Variants in OSBPL5 observed in about 807,000 individuals in gnomAD.
The protein encoded by OSBPL5 is oxysterol binding protein like 5.
In OSBPL5, 71 loss-of-function variants were observed where a neutral mutation model predicts 111.2. That is an observed-to-expected ratio of 0.64 (90% CI 0.53 to 0.78). The LOEUF is 0.78. Ranked by LOEUF, OSBPL5 falls within the 30% of genes least tolerant of loss-of-function variation. The pLI, the probability that OSBPL5 is intolerant of heterozygous loss-of-function variation, is 0.00. For synonymous variants in OSBPL5, 549 were observed against 513.9 expected (o/e 1.07, Z -0.93); for missense variants, 1,210 against 1,189.3 (o/e 1.02, Z -0.26).
At position 3,146,786 on chromosome 11, in the gene OSBPL5, G is replaced by A. The variant is rs1390117600; in HGVS notation, c.-21-17617C>T. 2.6e-5 allele frequency: 4 copies of A among 152,206 alleles called. No homozygotes were observed. Among genetic ancestry groups the A allele is most frequent in the South Asian group, 2.1e-4 (1 of 4,834 alleles). The allele number at this position is 152,206 out of a possible 1,614,324, so 9.4% of individuals were successfully genotyped here. A position where few individuals can be genotyped will look rare whatever the true frequency, so the allele number is the denominator to read the frequency against. On this transcript the variant is annotated intron_variant, in intron 1 of 21. Coordinates refer to ENST00000263650, the MANE Select transcript of OSBPL5 (RefSeq NM_020896.4). The surrounding 1 kb of genome is among the most constrained non-coding windows in gnomAD (Gnocchi z 7.8). ...GCCTTTGTACAGCCTGTCCCGAAGCGGCCTGGCACAGGGCAGCAGACTGCA... is the reference window on the plus strand; with the variant it reads ...GCCTTTGTACAGCCTGTCCCGAAGCAGCCTGGCACAGGGCAGCAGACTGCA...
chr11:3,145,456 A>G (rs1346097881), intron 1 of OSBPL5, among the ~76,000 whole-genome samples: 1 of 152,222 alleles, frequency 6.6e-6, no homozygotes. Flanking sequence ...CCACTGCCCC[A>G]CAGCCTCCAC....
At chr11:3,143,759 A>G (rs1846232519) in intron 1 of OSBPL5, among the ~76,000 whole-genome samples, 1 of 152,086 alleles carries the variant, frequency 6.6e-6, no homozygotes, top group African/African-American at 2.4e-5. Flanking sequence ...GGAGTCCACT[A>G]TGACTGGAGG....
At chr11:3,097,922 G>A (rs778407274) in intron 14 of OSBPL5, among the ~76,000 whole-genome samples, 1 of 152,112 alleles carries the variant, frequency 6.6e-6, no homozygotes, top group Non-Finnish European at 1.5e-5. Flanking sequence ...CAAAAAATTT[G>A]CTGGGCGTGG....
chr11:3,112,035 ATG>A (rs1857982183), intron 7 of OSBPL5, among the ~76,000 whole-genome samples: 1 of 60,490 alleles, frequency 1.7e-5, no homozygotes, highest in South Asian at 5.4e-4. Flanking sequence ...ATGTGTGTGT[ATG>A]TGTGCGCGCA....
At position 3,090,682 on chromosome 11, in the gene OSBPL5, G is replaced by A. The variant is rs1857026807; in HGVS notation, c.2274C>T (p.Asp758=). ...GGTCGCTGGCCTTGCGAAGCCGCTG[G>A]TCTGGGCCAGACCTCTGCAGAGAAA... ...PGPRHERSGP[D]QRLRKASDQP... Residue 758 remains aspartate (D), a synonymous_variant, in exon 20 of 22, where the codon GAC becomes GAT. Transcript: ENST00000263650. 5 of 1,611,530 alleles carry A rather than the reference G, an allele frequency of 3.1e-6. No homozygotes were observed. The highest frequency in any genetic ancestry group is 4.2e-6 in the Non-Finnish European group (5 of 1,179,636).
At chr11:3,127,337 C>T (rs1247728783) in intron 2 of OSBPL5, among the ~76,000 whole-genome samples, 2 of 152,220 alleles carry the variant, frequency 1.3e-5, no homozygotes, top group African/African-American at 4.8e-5. Flanking sequence ...GGCGACAGGC[C>T]AGCAACAGGC....
At position 3,126,391 on chromosome 11, in the gene OSBPL5, T is replaced by G; in HGVS notation, c.219+82A>C. 4 of 1,267,996 alleles carry G rather than the reference T, an allele frequency of 3.2e-6. No homozygotes were observed. The highest frequency in any genetic ancestry group is 4.2e-6 in the Non-Finnish European group (4 of 944,656). 78.5% of individuals were successfully genotyped at this position (1,267,996 alleles called of 1,614,324 possible). On this transcript the variant is annotated intron_variant, in intron 3 of 21. Transcript: ENST00000263650. This position sits in a 1 kb window ranked among gnomAD's most constrained non-coding sequence, Gnocchi z 6.5. ...GAATGGCAGGCTCAGCTGGACGCCC[T>G]GCTGTCCTTTTCCCCAGCCGTTTCC...
At chr11:3,089,704 C>T (rs1266336210) in intron 21 of OSBPL5, 142 bp downstream of exon 21, 4 of 726,062 alleles carry the variant, frequency 5.5e-6, no homozygotes, top group Non-Finnish European at 9.4e-6. Context: ...TTCCTTTCAT[C>T]ACCCTGCAGG....
rs771801579 is a variant in OSBPL5, at chr11:3,092,510, G to C, written c.2181C>G (p.Asp727Glu). ...PLKDIAQFEQ[D>E]GILRTLQQEA... ...CCTGCTGCAAGGTCCGCAGGATCCC[G>C]TCTTGCTCAAACTGGGCGATGTCCT... Residue 727 changes from aspartate to glutamate, a missense_variant, in exon 19 of 22, where the codon GAC (aspartate) becomes GAG (glutamate). By Grantham distance (45) the Asp-to-Glu change is conservative. Coordinates refer to ENST00000263650, the MANE Select transcript of OSBPL5 (RefSeq NM_020896.4). The surrounding 1 kb of genome is among the most constrained non-coding windows in gnomAD (Gnocchi z 5.4). 1.3e-6 allele frequency: 2 copies of C among 1,584,248 alleles called. No individual in the cohort carries two copies. Among genetic ancestry groups the C allele is most frequent in the Non-Finnish European group, 1.7e-6 (2 of 1,165,556 alleles).
chr11:3,112,052 T>TGC (rs1857988372), intron 7 of OSBPL5, among the ~76,000 whole-genome samples: 1 of 57,744 alleles, frequency 1.7e-5, no homozygotes, highest in African/African-American at 5.6e-5. Context: ...CGCGCATGTG[T>TGC]GTGCATGTGT....
At chr11:3,123,759 C>T (rs1858504324) in intron 3 of OSBPL5, among the ~76,000 whole-genome samples, 1 of 152,248 alleles carries the variant, frequency 6.6e-6, no homozygotes, top group Non-Finnish European at 1.5e-5. Context: ...GCACCAGGTC[C>T]TGTTCGGGTG....
In OSBPL5 at chr11:3,101,627, T is replaced by C; in HGVS notation, c.1498A>G (p.Ile500Val). 2 of 1,613,922 alleles carry C rather than the reference T, an allele frequency of 1.2e-6. No homozygotes were observed. Among genetic ancestry groups the C allele is most frequent in the Non-Finnish European group, 1.7e-6 (2 of 1,179,976 alleles). ...CCATAAAACCTGGACTTGGCTGTGA[T>C]GCTGCCACTGATGCAGAAGCCGTCC... ...RKDGFCISGSITAKSRFYGNS... is the reference protein window; with the variant it reads ...RKDGFCISGSVTAKSRFYGNS... The change falls in exon 13 of 22, where the codon ATC (isoleucine) becomes GTC (valine). Residue 500 changes from isoleucine (I) to valine (V), a missense_variant. Coordinates refer to ENST00000263650, the MANE Select transcript of OSBPL5 (RefSeq NM_020896.4).
rs1277252641 is a variant in OSBPL5, at chr11:3,104,171, C to A, written c.1244+22G>T. On this transcript the variant is annotated intron_variant, in intron 10 of 21. Coordinates refer to ENST00000263650, the MANE Select transcript of OSBPL5 (RefSeq NM_020896.4). The surrounding 1 kb of genome is among the most constrained non-coding windows in gnomAD (Gnocchi z 5.0). ...CAGATGCAGGACGAGGTGTGGGGTG[C>A]CCCTCCCGGCATGGCGCGCACCTGG... 3 of 1,586,400 alleles carry A rather than the reference C, an allele frequency of 1.9e-6. No individual in the cohort carries two copies. The highest frequency in any genetic ancestry group is 2.6e-6 in the Non-Finnish European group (3 of 1,161,080).
intron 14 of OSBPL5, chr11:3,094,662 C>T (rs937711196): frequency 4.7e-5 from 13 of 275,120 alleles, no homozygotes; most frequent in Middle Eastern, 1.2e-3. Flanking sequence ...TGTCAGGTGT[C>T]GCCTCCTGTT....
At chr11:3,111,114 T>G (rs148732369) in intron 7 of OSBPL5, among the ~76,000 whole-genome samples, 1 of 151,952 alleles carries the variant, frequency 6.6e-6, no homozygotes, top group African/African-American at 2.4e-5. Context: ...AATAAGACAA[T>G]TTGCTGAGGC....
At chr11:3,097,114 AGG>A (rs1857297242) in intron 14 of OSBPL5, among the ~76,000 whole-genome samples, 3 of 150,730 alleles carry the variant, frequency 2.0e-5, no homozygotes, top group Middle Eastern at 3.4e-3. Context: ...TGGGAGGAGG[AGG>A]AGAGGAAAGA....
In OSBPL5 at chr11:3,122,368, T is replaced by C. The variant is rs1353085511; in HGVS notation, c.280A>G (p.Thr94Ala). Reference sequence around the variant, plus strand: ...CTCACCTTGAGAGTCTCCTTCTTGGTGACCCTGGCGGTGGGGGACACACAT... The same window carrying C: ...CTCACCTTGAGAGTCTCCTTCTTGGCGACCCTGGCGGTGGGGGACACACAT... Reference protein sequence around the residue: ...KECVSPTARVTKKETLKAQKE... With the variant: ...KECVSPTARVAKKETLKAQKE... The change falls in exon 4 of 22, where the codon ACC becomes GCC. Residue 94 changes from threonine (T) to alanine (A), a missense_variant. Thr to Ala is a moderately conservative substitution (Grantham distance 58, BLOSUM62 0). Coordinates refer to ENST00000263650, the MANE Select transcript of OSBPL5 (RefSeq NM_020896.4). 4 of 1,613,624 alleles carry C rather than the reference T, an allele frequency of 2.5e-6. No individual in the cohort carries two copies. Among genetic ancestry groups the C allele is most frequent in the Non-Finnish European group, 3.4e-6 (4 of 1,179,908 alleles).
chr11:3,093,041 T>A lies in OSBPL5; in HGVS notation c.1958A>T (p.His653Leu). ...GCCCTTGCTGATGGCCCTGGTGACGTGCTGCCAGAGCCTGCGGGCCAGTGA... is the reference window on the plus strand; with the variant it reads ...GCCCTTGCTGATGGCCCTGGTGACGAGCTGCCAGAGCCTGCGGGCCAGTGA... The part of the protein sequence containing the change: ...TELESERLWQ[H>L]VTRAISKGDQ... The change falls in exon 18 of 22, where the codon CAC becomes CTC. Residue 653 changes from histidine (H) to leucine (L), a missense_variant. Coordinates refer to ENST00000263650, the MANE Select transcript of OSBPL5 (RefSeq NM_020896.4). 1 of 1,585,890 alleles carries A rather than the reference T, an allele frequency of 6.3e-7. No homozygotes were observed. The highest frequency in any genetic ancestry group is 2.3e-5 in the East Asian group (1 of 44,200).
intron 14 of OSBPL5, chr11:3,094,692 C>T (rs1376594607): frequency 8.3e-6 from 2 of 241,956 alleles, no homozygotes; most frequent in Non-Finnish European, 1.7e-5. Context: ...TGGGAGGCCA[C>T]CAGCCCTGTG....
Sources: gnomAD v4.1 joint callset for allele counts (sites outside exome capture counted in the v4.1 genomes callset) on GRCh38, gnomAD v4.1.1 for gene constraint, Gnocchi (gnomAD v3.1) non-coding constraint, MANE v1.5 for transcripts, NCBI Gene and HGNC (gene_info 2026-07-23, HGNC 2026-07-21) for gene names.